MXD4: variants seen among roughly 807,000 people sequenced by gnomAD.
The protein encoded by MXD4 is MAX dimerization protein 4, also known as Mad4 homolog.
Under a neutral mutation model 24.5 loss-of-function variants are expected in MXD4, and 16 were observed. The ratio of observed to expected loss-of-function variants is 0.65; its 90% confidence interval spans 0.44 to 0.99. The LOEUF (loss-of-function observed/expected upper bound fraction) is 0.99, where lower values mean the gene tolerates loss of function less well. Ranked by LOEUF, MXD4 falls within the 50% of genes least tolerant of loss-of-function variation. The pLI, the probability that MXD4 is intolerant of heterozygous loss-of-function variation, is 0.00. For missense variants in MXD4, 301 were observed against 301.5 expected (o/e 1.00, Z 0.01); for synonymous variants, 164 against 134.2 (o/e 1.22, Z -1.54).
Position 2,252,447 on chromosome 4 carries a change from G to T in MXD4, c.270C>A (p.Thr90=). 2 of 1,612,286 alleles carry T rather than the reference G, an allele frequency of 1.2e-6. 1 individual carries two copies. Among genetic ancestry groups the T allele is most frequent in the South Asian group, 2.2e-5 (2 of 91,056 alleles). Residue 90 remains threonine (T), a synonymous_variant, in exon 4 of 6, where the codon ACC becomes ACA. Coordinates refer to ENST00000337190, the MANE Select transcript of MXD4 (RefSeq NM_006454.3). The part of the protein sequence containing the change: ...VPLGPDSTRH[T]TLSLLKRAKV... ...TGGCCCGCTTCAGGAGGCTCAGCGT[G>T]GTGTGGCGGGTGCTGTCGGGGCCCA...
chr4:2,250,792 G>A (rs899656603), intron 5 of MXD4, 91 bp from the exon 6 acceptor site: 7 of 1,475,326 alleles, frequency 4.7e-6, no homozygotes, highest in Middle Eastern at 1.8e-4. Flanking sequence ...CTAGGCAGAG[G>A]GGCAGAAGTG....
intron 4 of MXD4, among the ~76,000 whole-genome samples, chr4:2,252,000 GCTGCCTACTTTTAGT>G (rs1190659444): frequency 2.0e-5 from 3 of 152,068 alleles, no homozygotes; most frequent in Non-Finnish European, 4.4e-5. Context: ...CCCCCATCAG[GCTGCCTACTTTTAGT>G]CTGCCTTCTG....
chr4:2,261,822 C>A lies in MXD4; in HGVS notation c.67G>T (p.Ala23Ser). ...AEYLERRDREAEHGYASVLPF... is the reference protein window; with the variant it reads ...AEYLERRDRESEHGYASVLPF... ...AGCACCGAGGCGTAGCCGTGCTCGG[C>A]CTCTGCGGACACACGGCGCGGTCAG... Residue 23 changes from alanine (A) to serine (S), a missense_variant and splice_region_variant, in exon 2 of 6, where the codon GCC becomes TCC. Coordinates refer to ENST00000337190, the MANE Select transcript of MXD4 (RefSeq NM_006454.3). 1 of 1,382,030 alleles carries A rather than the reference C, an allele frequency of 7.2e-7. No individual in the cohort carries two copies. The highest frequency in any genetic ancestry group is 1.5e-5 in the South Asian group (1 of 67,036). The allele number at this position is 1,382,030 out of a possible 1,614,324, so 85.6% of individuals were successfully genotyped here. A position where few individuals can be genotyped will look rare whatever the true frequency, so the allele number is the denominator to read the frequency against.
intron 4 of MXD4, among the ~76,000 whole-genome samples, chr4:2,251,900 G>A (rs867820245): frequency 2.0e-5 from 3 of 152,180 alleles, no homozygotes; most frequent in African/African-American, 7.2e-5. Context: ...CAACAGGGCT[G>A]TCAAAAGTCC....
At position 2,262,103 on chromosome 4, in the gene MXD4, G is replaced by A. The variant is rs1322695254; in HGVS notation, c.-123C>T. 1 of 373,394 alleles carries A rather than the reference G, an allele frequency of 2.7e-6. No individual in the cohort carries two copies. The highest frequency in any genetic ancestry group is 3.7e-6 in the Non-Finnish European group (1 of 270,282). 23.1% of individuals were successfully genotyped at this position (373,394 alleles called of 1,614,324 possible). ...CGCACTTCCAGACTCCGCGGACTCC[G>A]GCGCTCGGCCGCCACCCTCCGCCTC... On this transcript the variant is annotated 5_prime_UTR_variant, in exon 1 of 6. Coordinates refer to ENST00000337190, the MANE Select transcript of MXD4 (RefSeq NM_006454.3).
intron 2 of MXD4, chr4:2,258,948 G>C: frequency 2.2e-6 from 1 of 456,094 alleles, no homozygotes; most frequent in South Asian, 1.5e-5. Context: ...CACAGCATCT[G>C]CCTGGAGGAT....
At chr4:2,251,891 A>T (rs1289282014) in intron 4 of MXD4, among the ~76,000 whole-genome samples, 2 of 152,200 alleles carry the variant, frequency 1.3e-5, no homozygotes, top group African/African-American at 4.8e-5. Flanking sequence ...CCCCCAAACC[A>T]ACAGGGCTGT....
At position 2,261,677 on chromosome 4, in the gene MXD4, G is replaced by T. The variant is rs1053931233; in HGVS notation, c.164+48C>A. ...CCCGGAGAGCACGCTCCGGGCGGGG[G>T]CGGGGGTTCGGACCGGGCCGGGCGG... On this transcript the variant is annotated intron_variant, in intron 2 of 5. Transcript: ENST00000337190. 2.7e-6 allele frequency: 3 copies of T among 1,119,988 alleles called. 1 individual carries two copies. In the South Asian group the frequency reaches 7.4e-5, roughly 28 times the overall value. 69.4% of individuals were successfully genotyped at this position (1,119,988 alleles called of 1,614,324 possible).
rs1315459859 is a variant in MXD4 at position 2,247,933 on chromosome 4, C to T, written c.*2611G>A. The T allele has an allele frequency of 1.3e-5, 2 of 152,388 alleles. No homozygotes were observed. The highest frequency in any genetic ancestry group is 2.9e-5 in the Non-Finnish European group (2 of 68,166). 9.4% of individuals were successfully genotyped at this position (152,388 alleles called of 1,614,324 possible). A position where few individuals can be genotyped will look rare whatever the true frequency, so the allele number is the denominator to read the frequency against. Reference sequence around the variant, plus strand: ...TATCCTGGTATGCGGGAGCTGCCTTCCAATAAGGCTGGGGAACCCAAGCCT... The same window carrying T: ...TATCCTGGTATGCGGGAGCTGCCTTTCAATAAGGCTGGGGAACCCAAGCCT... On this transcript the variant is annotated 3_prime_UTR_variant, in exon 6 of 6. Transcript: ENST00000337190.
rs1036511188 is a variant in MXD4 at position 2,252,723 on chromosome 4, C to A, written c.195-201G>T. 2.2e-5 allele frequency: 12 copies of A among 541,484 alleles called. No individual in the cohort carries two copies. The South Asian group carries it at 2.6e-4, about 12-fold the overall frequency. The allele number at this position is 541,484 out of a possible 1,614,324, so 33.5% of individuals were successfully genotyped here. On this transcript the variant is annotated intron_variant, in intron 3 of 5. Transcript: ENST00000337190. ...GCCCAACACCCACAGCCCCCAGACA[C>A]CTGGCAGAAGCGCCCAGCTCACCAT...
At chr4:2,250,959 A>G in intron 5 of MXD4, 125 bp downstream of exon 5, 2 of 1,265,572 alleles carry the variant, frequency 1.6e-6, no homozygotes, top group East Asian at 2.6e-5. Context: ...CACACACCCC[A>G]GTGCAGCAGG....
chr4:2,260,807 C>T lies in MXD4; in HGVS notation c.164+918G>A, dbSNP rs145033709. 1.9e-3 allele frequency among the ~76,000 whole-genome samples: 296 copies of T among 152,354 alleles called. 2 individuals carry two copies. Among genetic ancestry groups the T allele is most frequent in the Middle Eastern group, 3.4e-3 (1 of 294 alleles). ...CTGGGGCTCTGAAGCCCCCTACAAACGCAGCTCCCAGCCTGCTCACACAAA... is the reference window on the plus strand; with the variant it reads ...CTGGGGCTCTGAAGCCCCCTACAAATGCAGCTCCCAGCCTGCTCACACAAA... On this transcript the variant is annotated intron_variant, in intron 2 of 5. Coordinates refer to ENST00000337190, the MANE Select transcript of MXD4 (RefSeq NM_006454.3).
rs187726471 is a variant in MXD4 at position 2,257,781 on chromosome 4, G to A, written c.194+201C>T. On this transcript the variant is annotated intron_variant, in intron 3 of 5. Coordinates refer to ENST00000337190, the MANE Select transcript of MXD4 (RefSeq NM_006454.3). ...CTGGAAAGCAGGGCCTGGGCCTCCT[G>A]CCATCTCCTGCCTCTAGCACAGAGT... Among the ~76,000 whole-genome samples, 375 of 152,364 alleles carry A rather than the reference G, an allele frequency of 2.5e-3. 2 individuals are homozygous for A. The highest frequency in any genetic ancestry group is 8.8e-3 in the African/African-American group (366 of 41,590).
rs1735287658 is a variant in MXD4 at position 2,250,178 on chromosome 4, G to A, written c.*366C>T. 8.1e-6 allele frequency: 2 copies of A among 248,212 alleles called. No homozygotes were observed. The highest frequency in any genetic ancestry group is 9.8e-5 in the South Asian group (1 of 10,216). The allele number at this position is 248,212 out of a possible 1,614,324, so 15.4% of individuals were successfully genotyped here. On this transcript the variant is annotated 3_prime_UTR_variant, in exon 6 of 6. Coordinates refer to ENST00000337190, the MANE Select transcript of MXD4 (RefSeq NM_006454.3). ...CTCCTGGGATCCAGGGTTGGGGTCT[G>A]AGCTCCCTGTGGTGGTCATTAAGCC...
chr4:2,261,445 G>A (rs969523226), intron 2 of MXD4, among the ~76,000 whole-genome samples: 1 of 152,144 alleles, frequency 6.6e-6, no homozygotes, highest in Non-Finnish European at 1.5e-5. Flanking sequence ...GCGGGGAGCG[G>A]GCGCGGGAGC....
At chr4:2,257,823 A>C (rs139524558) in intron 3 of MXD4, among the ~76,000 whole-genome samples, 159 bp downstream of exon 3, 1 of 152,252 alleles carries the variant, frequency 6.6e-6, no homozygotes, top group Non-Finnish European at 1.5e-5. Flanking sequence ...AACAGACCTC[A>C]GCCTTCTCCT....
intron 4 of MXD4, 130 bp from the exon 5 acceptor site, chr4:2,251,376 A>AGGCC: frequency 8.5e-7 from 1 of 1,178,294 alleles, no homozygotes; most frequent in East Asian, 2.7e-5. Flanking sequence ...CCAAGGCTAC[A>AGGCC]GGCCACAGGG....
At chr4:2,251,968 CT>C (rs1735333066) in intron 4 of MXD4, among the ~76,000 whole-genome samples, 1 of 152,188 alleles carries the variant, frequency 6.6e-6, no homozygotes, top group South Asian at 2.1e-4. Flanking sequence ...CCAGCTCCCG[CT>C]GCCCCAACCC....
chr4:2,256,482 G>A (rs1375318459), intron 3 of MXD4, among the ~76,000 whole-genome samples: 1 of 152,184 alleles, frequency 6.6e-6, no homozygotes, highest in African/African-American at 2.4e-5. Flanking sequence ...AAGACAGCAC[G>A]CAGCCCTTCC....
Sources: allele counts gnomAD v4.1 joint callset (sites outside exome capture counted in the v4.1 genomes callset), GRCh38; gene constraint gnomAD v4.1.1; transcripts MANE v1.5; gene names NCBI Gene and HGNC (gene_info 2026-07-23, HGNC 2026-07-21).